The following NTHL1 variants were observed in gnomAD, a reference collection of about 807,000 sequenced individuals.
The protein encoded by NTHL1 is nth like DNA glycosylase 1, also known as endonuclease III-like protein 1.
NTHL1 carries 32 observed loss-of-function variants against 32.3 expected under a neutral mutation model. The observed-to-expected ratio is 0.99, with a 90% CI of 0.75 to 1.33. The LOEUF is 1.33. Ranked by LOEUF, NTHL1 falls within the 40% of genes most tolerant of loss-of-function variation. The probability of loss-of-function intolerance (pLI) is 0.00; values close to 1 mark genes in which losing one functional copy is unlikely to be tolerated. For synonymous variants in NTHL1, 188 were observed against 176.9 expected, an observed-to-expected ratio of 1.06 and a Z score of -0.50; for missense variants, 501 against 414.1, an observed-to-expected ratio of 1.21 and a Z score of -1.82.
Position 2,043,116 on chromosome 16 carries a change from G to A in NTHL1, c.685+451C>T, listed in dbSNP as rs770742962. Among the ~76,000 whole-genome samples the A allele has an allele frequency of 3.3e-5, 5 of 150,464 alleles. No individual in the cohort carries two copies. The highest frequency in any genetic ancestry group is 7.4e-5 in the Non-Finnish European group (5 of 67,724). On this transcript the variant is annotated intron_variant, in intron 4 of 5. Coordinates refer to ENST00000651570, the MANE Select transcript of NTHL1 (RefSeq NM_002528.7). The surrounding 1 kb of genome is among the most constrained non-coding windows in gnomAD (Gnocchi z 4.4). ...CTCGCATCATGGTTTTACAGATGCT[G>A]TTCCTTCTGCTGGGAACACACTTCC...
chr16:2,039,889 G>A lies in NTHL1; in HGVS notation c.*35C>T, dbSNP rs754720999. The A allele has an allele frequency of 1.9e-6, 3 of 1,598,036 alleles. No homozygotes were observed. The highest frequency in any genetic ancestry group is 3.3e-5 in the Admixed American group (2 of 60,004). On this transcript the variant is annotated 3_prime_UTR_variant, in exon 6 of 6. Transcript: ENST00000651570. ...GCGTAAAGCCACTTCACAGACGGTGGCCACAGCGGCACCTCGGCCAGAGCC... is the reference window on the plus strand; with the variant it reads ...GCGTAAAGCCACTTCACAGACGGTGACCACAGCGGCACCTCGGCCAGAGCC...
intron 4 of NTHL1, 195 bp from the exon 5 acceptor site, chr16:2,040,433 T>C: frequency 1.5e-6 from 1 of 649,068 alleles, no homozygotes; most frequent in Non-Finnish European, 2.8e-6. Flanking sequence ...CTGAGCCCTC[T>C]GTTGGGGTGC....
chr16:2,042,997 T>A (rs2084290373), intron 4 of NTHL1, among the ~76,000 whole-genome samples: 1 of 90,198 alleles, frequency 1.1e-5, no homozygotes, highest in East Asian at 4.0e-4. Flanking sequence ...CCACCCCACC[T>A]GCTGAGGGGA....
At chr16:2,045,196 G>T (rs968111608) in intron 2 of NTHL1, among the ~76,000 whole-genome samples, 1 of 152,064 alleles carries the variant, frequency 6.6e-6, no homozygotes, top group African/African-American at 2.4e-5. Context: ...CATTAGCTGG[G>T]TGCGGTGGTG....
rs2150941921 is a variant in NTHL1 at position 2,044,404 on chromosome 16, C to T, written c.525+226G>A. ...GAGGAAGGGTGGGCAGGCGGCGAGG[C>T]GGGGAAGCAGAGGAAGGAAGGGAGG... On this transcript the variant is annotated intron_variant, in intron 3 of 5. Coordinates refer to ENST00000651570, the MANE Select transcript of NTHL1 (RefSeq NM_002528.7). The surrounding 1 kb of genome is among the most constrained non-coding windows in gnomAD (Gnocchi z 5.0). Among the ~76,000 whole-genome samples, 1 of 152,104 alleles carries T rather than the reference C, an allele frequency of 6.6e-6. No homozygotes were observed.
At chr16:2,040,330 C>A in intron 4 of NTHL1, 92 bp from the exon 5 acceptor site, 1 of 1,150,070 alleles carries the variant, frequency 8.7e-7, no homozygotes, top group South Asian at 1.2e-5. Flanking sequence ...CCACCACCCC[C>A]GTGGCCCTCC....
rs575417911 is a variant in NTHL1, at chr16:2,044,939, G to A, written c.355-139C>T. The A allele has an allele frequency of 3.0e-5, 29 of 965,928 alleles. No individual in the cohort carries two copies. In the African/African-American group the frequency reaches 4.1e-4, roughly 14 times the overall value. The allele number at this position is 965,928 out of a possible 1,614,324, so 59.8% of individuals were successfully genotyped here. A position where few individuals can be genotyped will look rare whatever the true frequency, so the allele number is the denominator to read the frequency against. On this transcript the variant is annotated intron_variant, in intron 2 of 5. Coordinates refer to ENST00000651570, the MANE Select transcript of NTHL1 (RefSeq NM_002528.7). This position sits in a 1 kb window ranked among gnomAD's most constrained non-coding sequence, Gnocchi z 5.0. Reference sequence around the variant, plus strand: ...GGCATCAGCCTCCCCCTGTGGGGTGGGGAGGTCTGGTTTGGGTATGTTTGG... The same window carrying A: ...GGCATCAGCCTCCCCCTGTGGGGTGAGGAGGTCTGGTTTGGGTATGTTTGG...
Position 2,043,539 on chromosome 16 carries a change from G to T in NTHL1, c.685+28C>A. On this transcript the variant is annotated intron_variant, in intron 4 of 5. Coordinates refer to ENST00000651570, the MANE Select transcript of NTHL1 (RefSeq NM_002528.7). This position sits in a 1 kb window ranked among gnomAD's most constrained non-coding sequence, Gnocchi z 4.4. ...GAATCCCAAGAGCAGCCAGTGGGCTGGAGCCAGCCCCGCCCTCCTCTACTC... is the reference window on the plus strand; with the variant it reads ...GAATCCCAAGAGCAGCCAGTGGGCTTGAGCCAGCCCCGCCCTCCTCTACTC... The T allele has an allele frequency of 6.2e-7, 1 of 1,601,294 alleles. No individual in the cohort carries two copies.
At position 2,047,818 on chromosome 16, in the gene NTHL1, G is replaced by A. The variant is rs758854228; in HGVS notation, c.6C>T (p.Thr2=). The A allele has an allele frequency of 7.5e-6, 12 of 1,593,942 alleles. No homozygotes were observed. Among genetic ancestry groups the A allele is most frequent in the Non-Finnish European group, 1.0e-5 (12 of 1,175,474 alleles). The change falls in exon 1 of 6, where the codon ACC becomes ACT. Residue 2 remains threonine (T), a synonymous_variant. Coordinates refer to ENST00000651570, the MANE Select transcript of NTHL1 (RefSeq NM_002528.7). ...GGGTCAGCATCCTCGCGCTCAAGGC[G>A]GTCATGCCGGACTCCTGCGGACTAC... is the stretch of plus-strand genomic sequence containing the variant. M[T]ALSARMLTRS...
At position 2,044,951 on chromosome 16, in the gene NTHL1, T is replaced by C. The variant is rs2084323558; in HGVS notation, c.355-151A>G. On this transcript the variant is annotated intron_variant, in intron 2 of 5. Coordinates refer to ENST00000651570, the MANE Select transcript of NTHL1 (RefSeq NM_002528.7). The surrounding 1 kb of genome is among the most constrained non-coding windows in gnomAD (Gnocchi z 5.0). The stretch of plus-strand genomic sequence containing the variant: ...CCCCTGTGGGGTGGGGAGGTCTGGT[T>C]TGGGTATGTTTGGTCATCTACAACA... The C allele has an allele frequency of 2.8e-5, 21 of 756,846 alleles. No individual in the cohort carries two copies. The highest frequency in any genetic ancestry group is 3.3e-5 in the Non-Finnish European group (16 of 479,360). The allele number at this position is 756,846 out of a possible 1,614,324, so 46.9% of individuals were successfully genotyped here.
Position 2,043,518 on chromosome 16 carries a change from C to G in NTHL1, c.685+49G>C. 6.3e-7 allele frequency: 1 copy of G among 1,597,170 alleles called. No homozygotes were observed. Among genetic ancestry groups the G allele is most frequent in the Non-Finnish European group, 8.5e-7 (1 of 1,178,896 alleles). ...CACAGGTCACAAGGATGTGGGGAAT[C>G]CCAAGAGCAGCCAGTGGGCTGGAGC... On this transcript the variant is annotated intron_variant, in intron 4 of 5. Transcript: ENST00000651570. The surrounding 1 kb of genome is among the most constrained non-coding windows in gnomAD (Gnocchi z 4.4).
intron 4 of NTHL1, among the ~76,000 whole-genome samples, chr16:2,042,904 GCCTC>G (rs2084288579): frequency 1.6e-5 from 1 of 63,778 alleles, no homozygotes; most frequent in Non-Finnish European, 2.9e-5. Flanking sequence ...TTCCCCCAGC[GCCTC>G]CCTCCCTACC....
chr16:2,044,533 G>T lies in NTHL1; in HGVS notation c.525+97C>A. 1 of 1,516,900 alleles carries T rather than the reference G, an allele frequency of 6.6e-7. No homozygotes were observed. The allele number at this position is 1,516,900 out of a possible 1,614,324, so 94.0% of individuals were successfully genotyped here. ...GGGACCCCCCGAGCCTGAGATGCTT[G>T]ACCCTCACTTCCTGCACCGTCGCCA... On this transcript the variant is annotated intron_variant, in intron 3 of 5. Transcript: ENST00000651570. The surrounding 1 kb of genome is among the most constrained non-coding windows in gnomAD (Gnocchi z 5.0).
intron 4 of NTHL1, among the ~76,000 whole-genome samples, chr16:2,040,731 C>T (rs1447942899): frequency 2.0e-5 from 3 of 152,172 alleles, no homozygotes; most frequent in African/African-American, 4.8e-5. Context: ...ATCCCGACTC[C>T]GAAGCACCTC....
rs1052237474 is a variant in NTHL1, at chr16:2,044,109, G to T, written c.526-383C>A. ...TTCCCCACCAGCTGCCAGGCCTGCCGGGTGGTTCCCATCCTGTGCCTGAGT... is the reference window on the plus strand; with the variant it reads ...TTCCCCACCAGCTGCCAGGCCTGCCTGGTGGTTCCCATCCTGTGCCTGAGT... On this transcript the variant is annotated intron_variant, in intron 3 of 5. Transcript: ENST00000651570. The surrounding 1 kb of genome is among the most constrained non-coding windows in gnomAD (Gnocchi z 5.0). 1.1e-5 allele frequency: 4 copies of T among 371,580 alleles called. No homozygotes were observed. In the East Asian group the frequency reaches 1.8e-4, roughly 17 times the overall value. The allele number at this position is 371,580 out of a possible 1,614,324, so 23.0% of individuals were successfully genotyped here.
chr16:2,040,988 C>T (rs186289005), intron 4 of NTHL1, among the ~76,000 whole-genome samples: 2 of 152,346 alleles, frequency 1.3e-5, no homozygotes, highest in East Asian at 3.9e-4. Context: ...CTGCTGTCCA[C>T]CTGGGTTCTG....
At chr16:2,046,431 C>T in intron 1 of NTHL1, 65 bp from the exon 2 acceptor site, 3 of 1,453,428 alleles carry the variant, frequency 2.1e-6, no homozygotes, top group Non-Finnish European at 9.4e-7. Context: ...GGGGTGCCAT[C>T]CCGCCTGCTA....
In NTHL1 at chr16:2,044,578, G is replaced by T; in HGVS notation, c.525+52C>A. 6.3e-7 allele frequency: 1 copy of T among 1,595,054 alleles called. No individual in the cohort carries two copies. The highest frequency in any genetic ancestry group is 8.5e-7 in the Non-Finnish European group (1 of 1,178,038). On this transcript the variant is annotated intron_variant, in intron 3 of 5. Transcript: ENST00000651570. The surrounding 1 kb of genome is among the most constrained non-coding windows in gnomAD (Gnocchi z 5.0). ...TCGCCACCCCCCTCAGCCTTCTGAGGTCTCTCTCAGGCCACTGCCACCCGG... is the reference window on the plus strand; with the variant it reads ...TCGCCACCCCCCTCAGCCTTCTGAGTTCTCTCTCAGGCCACTGCCACCCGG...
Position 2,040,124 on chromosome 16 carries a change from T to C in NTHL1, c.791+9A>G, listed in dbSNP as rs1370015412. On this transcript the variant is annotated intron_variant, in intron 5 of 5. Transcript: ENST00000651570. ...TCTTCTCCCTAGGAAGCCCCCCACA[T>C]ACTCATACCTAGGCAGCCACTCCTC... The C allele has an allele frequency of 1.2e-6, 2 of 1,613,258 alleles. No homozygotes were observed. The highest frequency in any genetic ancestry group is 1.1e-5 in the South Asian group (1 of 91,086).
Sources: gnomAD v4.1 joint callset for allele counts (sites outside exome capture counted in the v4.1 genomes callset) on GRCh38, gnomAD v4.1.1 for gene constraint, Gnocchi (gnomAD v3.1) non-coding constraint, MANE v1.5 for transcripts, NCBI Gene and HGNC (gene_info 2026-07-23, HGNC 2026-07-21) for gene names.